DLG2: variants seen among roughly 807,000 people sequenced by gnomAD.
The protein encoded by DLG2 is discs large MAGUK scaffold protein 2.
DLG2 carries 45 observed loss-of-function variants against 132.5 expected under a neutral mutation model. The observed-to-expected ratio is 0.34, with a 90% CI of 0.27 to 0.44. The LOEUF is 0.44. Ranked by LOEUF, DLG2 falls within the 20% of genes least tolerant of loss-of-function variation. The pLI is 1.00. For synonymous variants in DLG2, 424 were observed against 419.6 expected (o/e 1.01, Z -0.13); for missense variants, 1,045 against 1,196.9 (o/e 0.87, Z 1.87).
chr11:83,858,770 G>A (rs138946420), intron 16 of DLG2, among the ~76,000 whole-genome samples: 35 of 152,286 alleles, frequency 2.3e-4, no homozygotes, highest in Non-Finnish European at 4.9e-4. Context: ...CTTGATCTTT[G>A]ATAGCCATGG....
At chr11:83,778,664 C>T (rs1408155684) in intron 18 of DLG2, among the ~76,000 whole-genome samples, 1 of 151,970 alleles carries the variant, frequency 6.6e-6, no homozygotes, top group African/African-American at 2.4e-5. Flanking sequence ...AGAGAGTTTT[C>T]TAATTTAGGA....
chr11:84,307,708 A>AAAAG (rs2098238591), intron 7 of DLG2, among the ~76,000 whole-genome samples: 1 of 150,864 alleles, frequency 6.6e-6, no homozygotes, highest in African/African-American at 2.4e-5. Context: ...AAAAAAAAAA[A>AAAAG]AAAAAAAAGA....
chr11:84,697,657 T>C (rs1230505980), intron 6 of DLG2, among the ~76,000 whole-genome samples: 2 of 151,452 alleles, frequency 1.3e-5, no homozygotes, highest in African/African-American at 4.8e-5. Context: ...ATTGGTACTA[T>C]CATTATCTCT....
chr11:85,167,601 C>T (rs547656366), intron 4 of DLG2, among the ~76,000 whole-genome samples: 2 of 152,210 alleles, frequency 1.3e-5, no homozygotes, highest in South Asian at 4.1e-4. Flanking sequence ...ACAAACAGGC[C>T]TTAAGTCTGC....
At chr11:84,818,808 G>A (rs1353750280) in intron 6 of DLG2, among the ~76,000 whole-genome samples, 6 of 151,870 alleles carry the variant, frequency 4.0e-5, no homozygotes, top group African/African-American at 1.4e-4. Context: ...TACTCATCTT[G>A]AGTGGCAGAC....
At chr11:85,013,599 T>C (rs191979342) in intron 6 of DLG2, among the ~76,000 whole-genome samples, 75 of 152,308 alleles carry the variant, frequency 4.9e-4, no homozygotes, top group Admixed American at 8.5e-4. Flanking sequence ...AGTGCAATTG[T>C]TCTAAATAAT....
At chr11:84,778,116 G>GATTAA (rs1357637713) in intron 6 of DLG2, among the ~76,000 whole-genome samples, 1 of 152,062 alleles carries the variant, frequency 6.6e-6, no homozygotes, top group Non-Finnish European at 1.5e-5. Context: ...AATCCATCTT[G>GATTAA]AGTTGATTTT....
chr11:85,147,378 T>G (rs1180220543), intron 5 of DLG2, among the ~76,000 whole-genome samples: 2 of 152,198 alleles, frequency 1.3e-5, no homozygotes, highest in African/African-American at 4.8e-5. Flanking sequence ...TGATTTGCAT[T>G]TCCCTGATGA....
chr11:84,666,521 T>C (rs1295433109), intron 6 of DLG2, among the ~76,000 whole-genome samples: 1 of 152,128 alleles, frequency 6.6e-6, no homozygotes, highest in Non-Finnish European at 1.5e-5. Context: ...CCATATTGGT[T>C]CTGTTTCTCT....
At chr11:84,038,310 A>C (rs1566154981) in intron 11 of DLG2, among the ~76,000 whole-genome samples, 1 of 152,060 alleles carries the variant, frequency 6.6e-6, no homozygotes, top group East Asian at 1.9e-4. Flanking sequence ...AGAAAAAAAA[A>C]CAACCCCATA....
At chr11:84,078,772 A>T (rs1043628105) in intron 10 of DLG2, among the ~76,000 whole-genome samples, 1 of 152,132 alleles carries the variant, frequency 6.6e-6, no homozygotes, top group Admixed American at 6.6e-5. Context: ...TTTTTATTCC[A>T]TACTTTTTCA....
intron 18 of DLG2, among the ~76,000 whole-genome samples, chr11:83,642,955 C>G (rs2067005809): frequency 6.6e-6 from 1 of 151,934 alleles, no homozygotes; most frequent in South Asian, 2.1e-4. Flanking sequence ...TAGGAATAGA[C>G]TAGGTGTTCA....
chr11:84,723,370 T>C (rs1248180441), intron 6 of DLG2, among the ~76,000 whole-genome samples: 3 of 152,186 alleles, frequency 2.0e-5, no homozygotes, highest in Non-Finnish European at 4.4e-5. Flanking sequence ...TAAAACAAAA[T>C]GTATATTTCA....
At chr11:83,937,210 A>C (rs184652426) in intron 14 of DLG2, among the ~76,000 whole-genome samples, 23 of 152,296 alleles carry the variant, frequency 1.5e-4, no homozygotes, top group African/African-American at 5.1e-4. Context: ...ATTTGACTAC[A>C]TAAAAATTTG....
At chr11:85,623,495 G>C (rs1380801154) in intron 2 of DLG2, among the ~76,000 whole-genome samples, 2 of 152,068 alleles carry the variant, frequency 1.3e-5, no homozygotes, top group African/African-American at 4.8e-5. Flanking sequence ...AGTAGAGATG[G>C]GGTTTCACCA....
chr11:84,048,288 T>G (rs1267456739), intron 11 of DLG2, among the ~76,000 whole-genome samples: 1 of 151,596 alleles, frequency 6.6e-6, no homozygotes, highest in Non-Finnish European at 1.5e-5. Flanking sequence ...TTCCATATAT[T>G]TTATTCCAAT....
At chr11:84,727,624 A>G (rs986134444) in intron 6 of DLG2, among the ~76,000 whole-genome samples, 1 of 151,918 alleles carries the variant, frequency 6.6e-6, no homozygotes, top group East Asian at 1.9e-4. Flanking sequence ...TTTTTTTCCA[A>G]TTCTGTGAAG....
intron 6 of DLG2, among the ~76,000 whole-genome samples, chr11:84,865,760 G>C (rs2084457118): frequency 6.6e-6 from 1 of 152,170 alleles, no homozygotes; most frequent in South Asian, 2.1e-4. Context: ...CATCAAAGCT[G>C]AAAATGTTTG....
At chr11:85,007,412 G>A (rs1166771068) in intron 6 of DLG2, among the ~76,000 whole-genome samples, 4 of 152,016 alleles carry the variant, frequency 2.6e-5, no homozygotes, top group Admixed American at 1.3e-4. Context: ...TGTAATCCCA[G>A]CACTTTGGGA....
Sources: gnomAD v4.1 joint callset for allele counts (sites outside exome capture counted in the v4.1 genomes callset) on GRCh38, gnomAD v4.1.1 for gene constraint, MANE v1.5 for transcripts, NCBI Gene and HGNC (gene_info 2026-07-23, HGNC 2026-07-21) for gene names.